APC: variants seen among roughly 807,000 people sequenced by gnomAD.
APC encodes adenomatous polyposis coli protein.
Under a neutral mutation model 247.0 loss-of-function variants are expected in APC, and 72 were observed. The observed-to-expected ratio is 0.29, with a 90% CI of 0.24 to 0.35. The LOEUF (loss-of-function observed/expected upper bound fraction) is 0.35, where lower values mean the gene tolerates loss of function less well. Ranked by LOEUF, APC falls within the 10% of genes least tolerant of loss-of-function variation. The pLI is 1.00. For missense variants in APC, 3,400 were observed against 3,360.7 expected, an observed-to-expected ratio of 1.01 and a Z score of -0.29; for synonymous variants, 1,254 against 1,162.5, an observed-to-expected ratio of 1.08 and a Z score of -1.60.
chr5:112,772,752 A>G (rs1757200077), intron 4 of APC, among the ~76,000 whole-genome samples: 1 of 152,114 alleles, frequency 6.6e-6, no homozygotes, highest in South Asian at 2.1e-4. Flanking sequence ...CCTGACTTCA[A>G]GTGATCCACC....
At position 112,843,159 on chromosome 5, in the gene APC, C is replaced by A. The variant is rs763438389; in HGVS notation, c.7565C>A (p.Pro2522Gln). The part of the protein sequence containing the change: ...SPTIEYNDGR[P>Q]AKRHDIARSH... ...ACTATAGAGTATAATGATGGAAGAC[C>A]AGCAAAGCGCCATGATATTGCACGG... is the stretch of plus-strand genomic sequence containing the variant. Residue 2522 changes from proline to glutamine, a missense_variant, in exon 16 of 16, where the codon CCA becomes CAA. Physicochemically the swap from Pro to Gln is moderately conservative, Grantham distance 76. Transcript: ENST00000257430. The surrounding 1 kb of genome is among the most constrained non-coding windows in gnomAD (Gnocchi z 4.8). 6.2e-7 allele frequency: 1 copy of A among 1,613,726 alleles called. No homozygotes were observed. Among genetic ancestry groups the A allele is most frequent in the Non-Finnish European group, 8.5e-7 (1 of 1,179,656 alleles).
chr5:112,771,529 T>C (rs542382833), intron 4 of APC, among the ~76,000 whole-genome samples: 1 of 152,296 alleles, frequency 6.6e-6, no homozygotes, highest in South Asian at 2.1e-4. Context: ...TCACACTTGA[T>C]TGATAGTTCA....
At chr5:112,785,976 C>G (rs1366399821) in intron 6 of APC, among the ~76,000 whole-genome samples, 3 of 152,152 alleles carry the variant, frequency 2.0e-5, no homozygotes, top group South Asian at 2.1e-4. Context: ...TTAAATCATT[C>G]ATTGCACAAA....
At chr5:112,708,044 T>A (rs1306889470) in intron 1 of APC, among the ~76,000 whole-genome samples, 1 of 152,160 alleles carries the variant, frequency 6.6e-6, no homozygotes, top group East Asian at 1.9e-4. Flanking sequence ...GGCCTCCAGT[T>A]GGCCCCTGGC....
At chr5:112,836,810 C>A (rs183292979) in intron 15 of APC, among the ~76,000 whole-genome samples, 2 of 151,998 alleles carry the variant, frequency 1.3e-5, no homozygotes, top group African/African-American at 2.4e-5. Flanking sequence ...AAGTGATTCT[C>A]CTGGCTCAGC....
chr5:112,758,016 C>CT (rs1226391541), intron 2 of APC, among the ~76,000 whole-genome samples: 1 of 152,000 alleles, frequency 6.6e-6, no homozygotes, highest in East Asian at 1.9e-4. Flanking sequence ...AAAAATAAGT[C>CT]TGAGGCAGAG....
At chr5:112,718,031 T>C (rs1211206023) in intron 1 of APC, among the ~76,000 whole-genome samples, 1 of 150,590 alleles carries the variant, frequency 6.6e-6, no homozygotes, top group Non-Finnish European at 1.5e-5. Context: ...TAATCTGTTA[T>C]TAACTCATTC....
At chr5:112,800,451 T>C (rs1438256367) in intron 7 of APC, among the ~76,000 whole-genome samples, 7 of 152,212 alleles carry the variant, frequency 4.6e-5, no homozygotes, top group Non-Finnish European at 1.0e-4. Context: ...TCACATTTTT[T>C]AAATGATCTA....
At chr5:112,781,880 A>G (rs1232501412) in intron 6 of APC, among the ~76,000 whole-genome samples, 1 of 151,842 alleles carries the variant, frequency 6.6e-6, no homozygotes, top group Non-Finnish European at 1.5e-5. Flanking sequence ...CAGCCACCTG[A>G]GTAGCTGGGA....
At chr5:112,787,135 G>C (rs1179850823) in intron 6 of APC, among the ~76,000 whole-genome samples, 3 of 151,994 alleles carry the variant, frequency 2.0e-5, no homozygotes, top group African/African-American at 2.4e-5. Context: ...TGATCCACCT[G>C]CCTCAGCCTC....
intron 1 of APC, among the ~76,000 whole-genome samples, chr5:112,744,067 C>T (rs1422151188): frequency 6.6e-6 from 1 of 151,888 alleles, no homozygotes. Context: ...GTCTCGAACT[C>T]CTGTCTACAA....
intron 2 of APC, among the ~76,000 whole-genome samples, chr5:112,757,010 A>G (rs1379905995): frequency 6.6e-6 from 1 of 152,182 alleles, no homozygotes; most frequent in Non-Finnish European, 1.5e-5. Flanking sequence ...ACTTTGGAGC[A>G]TTTCAGACTT....
At position 112,771,964 on chromosome 5, in the gene APC, G is replaced by A. The variant is rs1004888447; in HGVS notation, c.423-3665G>A. 5.9e-5 allele frequency among the ~76,000 whole-genome samples: 9 copies of A among 152,230 alleles called. No homozygotes were observed. In the South Asian group the frequency reaches 1.0e-3, roughly 18 times the overall value. The stretch of plus-strand genomic sequence containing the variant: ...TTAGTAAAGTGATCATGAGAATAAC[G>A]ACCTCAAAGGATATCATGAGGATTA... On this transcript the variant is annotated intron_variant, in intron 4 of 15. Coordinates refer to ENST00000257430, the MANE Select transcript of APC (RefSeq NM_000038.6).
intron 6 of APC, among the ~76,000 whole-genome samples, chr5:112,790,114 C>T (rs775499469): frequency 4.2e-4 from 64 of 152,260 alleles, no homozygotes; most frequent in Non-Finnish European, 8.5e-4. Context: ...CCCACCTTGG[C>T]CTCCCAGTGT....
intron 14 of APC, chr5:112,829,966 A>G (rs1764140104): frequency 1.3e-5 from 2 of 152,206 alleles, no homozygotes; most frequent in African/African-American, 4.8e-5. Context: ...TAAACTTGAA[A>G]TCTGAGAGGG....
At chr5:112,800,111 G>C (rs894188979) in intron 7 of APC, among the ~76,000 whole-genome samples, 1 of 152,156 alleles carries the variant, frequency 6.6e-6, no homozygotes. Flanking sequence ...AGAGAGCATA[G>C]AACAATGTCT....
At position 112,844,531 on chromosome 5, in the gene APC, C is replaced by CA. The variant is rs397817775; in HGVS notation, c.*414dup. 136,561 of 226,124 alleles carry CA rather than the reference C, an allele frequency of 0.6. 40,694 individuals are homozygous for CA. The highest frequency in any genetic ancestry group is 0.8 in the East Asian group (11,772 of 14,666). The allele number at this position is 226,124 out of a possible 1,614,324, so 14.0% of individuals were successfully genotyped here. ...CATCAGGGAAAAATTGGTATTTATG[C>CA]AAAAAAAAATGTTTTTGTCCTTGTG... On this transcript the variant is annotated 3_prime_UTR_variant, in exon 16 of 16. Transcript: ENST00000257430.
chr5:112,837,455 G>A (rs1294821146), intron 15 of APC, 98 bp from the exon 16 acceptor site: 2 of 826,730 alleles, frequency 2.4e-6, no homozygotes, highest in South Asian at 1.6e-5. Context: ...AGGATAATTG[G>A]TACAATCATA....
At chr5:112,796,014 G>T (rs181844842) in intron 7 of APC, among the ~76,000 whole-genome samples, 1 of 152,302 alleles carries the variant, frequency 6.6e-6, no homozygotes, top group Non-Finnish European at 1.5e-5. Context: ...TGCGGTTTCT[G>T]AATGTATTGA....
Sources: gnomAD v4.1 joint callset for allele counts (sites outside exome capture counted in the v4.1 genomes callset) on GRCh38, gnomAD v4.1.1 for gene constraint, Gnocchi (gnomAD v3.1) non-coding constraint, MANE v1.5 for transcripts, NCBI Gene and HGNC (gene_info 2026-07-23, HGNC 2026-07-21) for gene names.